The following AFAP1 variants were observed in gnomAD, a reference collection of about 807,000 sequenced individuals.
AFAP1 encodes the protein actin filament associated protein 1, also known as actin filament-associated protein 1.
AFAP1 carries 75 observed loss-of-function variants against 93.9 expected under a neutral mutation model. The observed-to-expected ratio is 0.80, with a 90% CI of 0.66 to 0.97. The LOEUF is 0.97. Ranked by LOEUF, AFAP1 falls within the 50% of genes least tolerant of loss-of-function variation. The pLI, the probability that AFAP1 is intolerant of heterozygous loss-of-function variation, is 0.00. For synonymous variants in AFAP1, 517 were observed against 430.7 expected, an observed-to-expected ratio of 1.20 and a Z score of -2.48; for missense variants, 1,201 against 1,050.8, an observed-to-expected ratio of 1.14 and a Z score of -1.98.
At chr4:7,781,737 C>A in intron 12 of AFAP1, 110 bp from the exon 13 acceptor site, 1 of 1,381,134 alleles carries the variant, frequency 7.2e-7, no homozygotes, top group Non-Finnish European at 9.7e-7. Context: ...ACATTGGCAC[C>A]CCAACACTCT....
Position 7,822,741 on chromosome 4 carries a change from C to T in AFAP1, c.727-3570G>A, listed in dbSNP as rs188408493. 2.8e-3 allele frequency among the ~76,000 whole-genome samples: 391 copies of T among 142,122 alleles called. 2 individuals carry two copies. The highest frequency in any genetic ancestry group is 9.3e-3 in the African/African-American group (360 of 38,768). 93.2% of individuals were successfully genotyped at this position (142,122 alleles called of 152,430 possible). A position where few individuals can be genotyped will look rare whatever the true frequency, so the allele number is the denominator to read the frequency against. ...CTGGGACTATAGGCGCCCGCCACTG[C>T]GCCCGGCTAATTTTTTTTTTTTTTT... On this transcript the variant is annotated intron_variant, in intron 6 of 17. Transcript: ENST00000420658.
chr4:7,879,456 C>G (rs779572298), intron 1 of AFAP1, among the ~76,000 whole-genome samples: 1 of 151,986 alleles, frequency 6.6e-6, no homozygotes, highest in Admixed American at 6.6e-5. Flanking sequence ...GACAGAATGG[C>G]GAGGTCACCA....
chr4:7,939,270 A>G lies in AFAP1; in HGVS notation c.-3+386T>C. 3 of 308,954 alleles carry G rather than the reference A, an allele frequency of 9.7e-6. No individual in the cohort carries two copies. The highest frequency in any genetic ancestry group is 4.0e-5 in the Admixed American group (1 of 24,708). 19.1% of individuals were successfully genotyped at this position (308,954 alleles called of 1,614,324 possible). A position where few individuals can be genotyped will look rare whatever the true frequency, so the allele number is the denominator to read the frequency against. On this transcript the variant is annotated intron_variant, in intron 1 of 17. Coordinates refer to ENST00000420658, the MANE Select transcript of AFAP1 (RefSeq NM_001134647.2). This position sits in a 1 kb window ranked among gnomAD's most constrained non-coding sequence, Gnocchi z 5.6. ...GGACGAAGCAGTCTCGCTACGGGGG[A>G]GGGCGGCGGAGCCTCCCACTCTTGG...
intron 13 of AFAP1, among the ~76,000 whole-genome samples, chr4:7,780,301 A>C (rs1716627296): frequency 6.6e-6 from 1 of 152,226 alleles, no homozygotes; most frequent in South Asian, 2.1e-4. Context: ...AAGCAACACC[A>C]ACCTGTGCAT....
intron 1 of AFAP1, among the ~76,000 whole-genome samples, chr4:7,897,423 T>C (rs1049055097): frequency 3.3e-5 from 5 of 152,220 alleles, no homozygotes; most frequent in African/African-American, 9.6e-5. Context: ...CTTCTTCTCC[T>C]TGATCACAGA....
chr4:7,889,106 A>G (rs557114751), intron 1 of AFAP1, among the ~76,000 whole-genome samples: 1 of 152,302 alleles, frequency 6.6e-6, no homozygotes, highest in African/African-American at 2.4e-5. Flanking sequence ...CAAAATTTTT[A>G]GCAAATTAAA....
In AFAP1 at chr4:7,781,759, A is replaced by G. The variant is rs892021715; in HGVS notation, c.1531-132T>C. On this transcript the variant is annotated intron_variant, in intron 12 of 17. Coordinates refer to ENST00000420658, the MANE Select transcript of AFAP1 (RefSeq NM_001134647.2). The stretch of plus-strand genomic sequence containing the variant: ...CACCCCAACACTCTCCTGCACACAG[A>G]CTGCAGTTGTTATCAATAAGGCATG... 4.1e-6 allele frequency: 5 copies of G among 1,211,202 alleles called. No individual in the cohort carries two copies. In the African/African-American group the frequency reaches 4.6e-5, roughly 11 times the overall value. 75.0% of individuals were successfully genotyped at this position (1,211,202 alleles called of 1,614,324 possible).
chr4:7,908,387 A>G (rs1719550313), intron 1 of AFAP1, among the ~76,000 whole-genome samples: 1 of 152,156 alleles, frequency 6.6e-6, no homozygotes, highest in African/African-American at 2.4e-5. Flanking sequence ...CAGGGATCAT[A>G]TATTATCACT....
At chr4:7,845,765 G>T (rs747884192) in intron 4 of AFAP1, among the ~76,000 whole-genome samples, 1 of 152,140 alleles carries the variant, frequency 6.6e-6, no homozygotes, top group African/African-American at 2.4e-5. Context: ...TCACAGGGCA[G>T]CCACAGGGGG....
At chr4:7,777,211 A>C (rs1274674514) in intron 14 of AFAP1, 1 of 152,226 alleles carries the variant, frequency 6.6e-6, no homozygotes, top group Non-Finnish European at 1.5e-5. Context: ...AAAAGAGGTG[A>C]AAGTAAATAC....
intron 1 of AFAP1, among the ~76,000 whole-genome samples, chr4:7,934,828 C>T (rs1036335087): frequency 2.0e-5 from 3 of 152,194 alleles, no homozygotes; most frequent in African/African-American, 7.2e-5. Flanking sequence ...ACTGCAATGT[C>T]AAGAAATTAC....
chr4:7,933,588 A>G (rs529344236), intron 1 of AFAP1, among the ~76,000 whole-genome samples: 1 of 152,290 alleles, frequency 6.6e-6, no homozygotes, highest in Admixed American at 6.5e-5. Context: ...AAATATTTAA[A>G]AAAAGGGTAT....
At chr4:7,787,767 A>G (rs1476912807) in intron 11 of AFAP1, among the ~76,000 whole-genome samples, 1 of 152,134 alleles carries the variant, frequency 6.6e-6, no homozygotes, top group East Asian at 1.9e-4. Flanking sequence ...CTGAAGTCGC[A>G]AGGTGCTGCC....
intron 11 of AFAP1, among the ~76,000 whole-genome samples, chr4:7,790,002 T>C (rs1717718913): frequency 6.6e-6 from 1 of 152,248 alleles, no homozygotes; most frequent in Non-Finnish European, 1.5e-5. Flanking sequence ...GAATCTCCAT[T>C]ATTATCTTAC....
chr4:7,779,336 T>A (rs1716500819), intron 13 of AFAP1: 1 of 157,528 alleles, frequency 6.3e-6, no homozygotes, highest in African/African-American at 2.4e-5. Context: ...CCTACTGGGA[T>A]AAGTGACCGC....
At chr4:7,901,713 T>C (rs1013177509) in intron 1 of AFAP1, among the ~76,000 whole-genome samples, 2 of 152,234 alleles carry the variant, frequency 1.3e-5, no homozygotes, top group East Asian at 1.9e-4. Flanking sequence ...TATGAAGATG[T>C]GGACAGGGGG....
chr4:7,893,719 G>A (rs1486547049), intron 1 of AFAP1, among the ~76,000 whole-genome samples: 3 of 151,994 alleles, frequency 2.0e-5, no homozygotes, highest in Admixed American at 1.3e-4. Context: ...CTTGTTAAAG[G>A]CAGATTCTGA....
At chr4:7,786,816 A>C (rs1334456123) in intron 11 of AFAP1, among the ~76,000 whole-genome samples, 3 of 152,264 alleles carry the variant, frequency 2.0e-5, no homozygotes, top group Non-Finnish European at 4.4e-5. Flanking sequence ...CATGGCCTGC[A>C]AAGCTGAAAG....
chr4:7,766,838 C>T (rs1358360578), intron 17 of AFAP1, among the ~76,000 whole-genome samples: 1 of 152,096 alleles, frequency 6.6e-6, no homozygotes, highest in Non-Finnish European at 1.5e-5. Context: ...AGCCAGGAAG[C>T]CCTGGGGCAC....
Sources: allele counts gnomAD v4.1 joint callset (sites outside exome capture counted in the v4.1 genomes callset), GRCh38; gene constraint gnomAD v4.1.1; non-coding constraint Gnocchi (gnomAD v3.1); transcripts MANE v1.5; gene names NCBI Gene and HGNC (gene_info 2026-07-23, HGNC 2026-07-21).